Variants in TMCO1 observed in about 807,000 individuals in gnomAD.
TMCO1 encodes transmembrane and coiled-coil domains 1.
Under a neutral mutation model 29.3 loss-of-function variants are expected in TMCO1, and 29 were observed. The ratio of observed to expected loss-of-function variants is 0.99; its 90% CI spans 0.74 to 1.35. The LOEUF is 1.35. TMCO1 is among the 40% of genes most tolerant of loss of function. TMCO1 has a pLI of 0.00. For missense variants in TMCO1, 173 were observed against 225.5 expected (o/e 0.77, Z 1.49); for synonymous variants, 80 against 77.1 (o/e 1.04, Z -0.20).
chr1:165,744,571 C>T (rs747354977), intron 5 of TMCO1, among the ~76,000 whole-genome samples: 31 of 152,148 alleles, frequency 2.0e-4, no homozygotes, highest in Admixed American at 2.6e-4. Flanking sequence ...GCAGGCGGAT[C>T]ACCTGAGGTT....
intron 6 of TMCO1, among the ~76,000 whole-genome samples, chr1:165,741,109 A>G (rs1651577687): frequency 6.6e-6 from 1 of 152,152 alleles, no homozygotes; most frequent in Non-Finnish European, 1.5e-5. Flanking sequence ...CTTCTAACCA[A>G]CATACTCTTC....
chr1:165,758,284 T>C (rs1652269196), intron 3 of TMCO1, among the ~76,000 whole-genome samples: 1 of 151,982 alleles, frequency 6.6e-6, no homozygotes, highest in African/African-American at 2.4e-5. Context: ...TTGGCCGGCA[T>C]AGTGGCTCAT....
intron 6 of TMCO1, among the ~76,000 whole-genome samples, chr1:165,739,652 G>T (rs1316221095): frequency 6.6e-6 from 1 of 152,120 alleles, no homozygotes. Flanking sequence ...GCCTCCCAAA[G>T]TGCTGGGATT....
chr1:165,724,453 G>T (rs556907002), downstream of TMCO1: 7 of 453,980 alleles, frequency 1.5e-5, no homozygotes, highest in Non-Finnish European at 2.6e-5. Context: ...CAAATATATT[G>T]TAAGAGGGCA....
chr1:165,763,546 C>CT (rs1652470185), intron 2 of TMCO1, among the ~76,000 whole-genome samples: 1 of 152,134 alleles, frequency 6.6e-6, no homozygotes, highest in Admixed American at 6.6e-5. Context: ...TCATACTTAC[C>CT]TTCAAAGGAA....
chr1:165,757,161 A>G (rs1412795533), intron 3 of TMCO1, among the ~76,000 whole-genome samples: 10 of 152,234 alleles, frequency 6.6e-5, no homozygotes, highest in Admixed American at 6.5e-4. Flanking sequence ...GAAAACTAAT[A>G]GAAACAGTTT....
At chr1:165,749,812 T>C (rs922455104) in intron 5 of TMCO1, among the ~76,000 whole-genome samples, 2 of 152,000 alleles carry the variant, frequency 1.3e-5, no homozygotes, top group Non-Finnish European at 2.9e-5. Context: ...AGCCTCTATA[T>C]GTAAAAAACT....
At chr1:165,763,140 C>T (rs1210764930) in intron 2 of TMCO1, among the ~76,000 whole-genome samples, 2 of 152,120 alleles carry the variant, frequency 1.3e-5, no homozygotes, top group Non-Finnish European at 2.9e-5. Context: ...TGATTCAAAC[C>T]TCTTTATATT....
At position 165,768,719 on chromosome 1, in the gene TMCO1, G is replaced by T; in HGVS notation, c.33C>A (p.Ile11=). The change falls in exon 1 of 7, where the codon ATC becomes ATA. Residue 11 remains isoleucine, a synonymous_variant. Transcript: ENST00000367881. The part of the protein sequence containing the change: MSTMFADTLL[I]VFISVCTALL... ...GAGCCGTGCACACAGAGATAAAAACGATGAGGAGAGTGTCCGCGAACATAG... is the reference window on the plus strand; with the variant it reads ...GAGCCGTGCACACAGAGATAAAAACTATGAGGAGAGTGTCCGCGAACATAG... 1 of 1,614,106 alleles carries T rather than the reference G, an allele frequency of 6.2e-7. No individual in the cohort carries two copies.
chr1:165,733,834 GTCT>G (rs1391463929), intron 6 of TMCO1, among the ~76,000 whole-genome samples: 1 of 152,186 alleles, frequency 6.6e-6, no homozygotes, highest in Non-Finnish European at 1.5e-5. Context: ...CCATAATTGT[GTCT>G]TCTACTGGCA....
chr1:165,733,656 A>G (rs1249515704), intron 6 of TMCO1, among the ~76,000 whole-genome samples: 1 of 152,182 alleles, frequency 6.6e-6, no homozygotes, highest in Non-Finnish European at 1.5e-5. Flanking sequence ...GTTTTAATAT[A>G]TAATAAAGAT....
chr1:165,733,994 A>G (rs1289043509), intron 6 of TMCO1, among the ~76,000 whole-genome samples: 1 of 152,238 alleles, frequency 6.6e-6, no homozygotes, highest in Non-Finnish European at 1.5e-5. Context: ...CATTCTGCTG[A>G]ATTTTATTCC....
In TMCO1 at chr1:165,743,259, G is replaced by A. The variant is rs1199319494; in HGVS notation, c.376C>T (p.Gln126Ter). 2.5e-6 allele frequency: 4 copies of A among 1,613,428 alleles called. No individual in the cohort carries two copies. Among genetic ancestry groups the A allele is most frequent in the Non-Finnish European group, 2.5e-6 (3 of 1,179,882 alleles). ...KLPFTPLSYI[Q>*]GLSHRNLLGD... ...AGCAGATTTCGATGAGACAGTCCTT[G>A]GATGTAAGAAAGAGGGGTAAAAGGA... Residue 126 changes from glutamine to a stop codon, truncating the protein, a stop_gained, in exon 6 of 7, where the codon CAA becomes TAA. Transcript: ENST00000367881. LOFTEE classifies it high-confidence loss of function.
chr1:165,733,869 C>A (rs1433580468), intron 6 of TMCO1, among the ~76,000 whole-genome samples: 1 of 152,186 alleles, frequency 6.6e-6, no homozygotes, highest in African/African-American at 2.4e-5. Context: ...AAAATACAAA[C>A]ACAGGATTTG....
chr1:165,767,684 T>C (rs573465116), intron 2 of TMCO1, among the ~76,000 whole-genome samples: 3 of 152,166 alleles, frequency 2.0e-5, no homozygotes, highest in African/African-American at 7.2e-5. Flanking sequence ...ATGAAGCCTC[T>C]TCTTCTTTTT....
intron 1 of TMCO1, 62 bp downstream of exon 1, chr1:165,768,620 G>C: frequency 1.2e-6 from 2 of 1,612,840 alleles, no homozygotes; most frequent in South Asian, 2.2e-5. Context: ...TGGTGGCACA[G>C]GGGACCCCGG....
At chr1:165,743,136 T>C (rs776039398) in intron 6 of TMCO1, 31 bp downstream of exon 6, 10 of 1,612,818 alleles carry the variant, frequency 6.2e-6, no homozygotes, top group African/African-American at 1.3e-5. Context: ...AGGAAAAATA[T>C]ACATATTAAA....
At chr1:165,735,525 TTTTTTTGGAGACAGAA>T (rs901285133) in intron 6 of TMCO1, among the ~76,000 whole-genome samples, 6 of 151,092 alleles carry the variant, frequency 4.0e-5, no homozygotes, top group African/African-American at 1.5e-4. Context: ...TTTTTTTTTT[TTTTTTTGGAGACAGAA>T]TCTTGCCCTG....
chr1:165,730,087 C>T (rs1244134165), intron 6 of TMCO1, among the ~76,000 whole-genome samples: 2 of 149,362 alleles, frequency 1.3e-5, no homozygotes, highest in Non-Finnish European at 3.0e-5. Flanking sequence ...TTTGGGAGGC[C>T]GAGGCGGGCG....
Sources: gnomAD v4.1 joint callset for allele counts (sites outside exome capture counted in the v4.1 genomes callset) on GRCh38, gnomAD v4.1.1 for gene constraint, MANE v1.5 for transcripts, NCBI Gene and HGNC (gene_info 2026-07-23, HGNC 2026-07-21) for gene names.